Variants in BACH2 observed in about 807,000 individuals in gnomAD.
The protein encoded by BACH2 is BACH transcriptional regulator 2.
BACH2 carries 5 observed loss-of-function variants against 61.8 expected under a neutral mutation model. The ratio of observed to expected loss-of-function variants is 0.08; its 90% CI spans 0.04 to 0.17. BACH2 has a LOEUF of 0.17. Among genes scored for constraint, BACH2 ranks in the 10% least tolerant of loss-of-function variants. The probability of loss-of-function intolerance (pLI) is 1.00; values close to 1 mark genes in which losing one functional copy is unlikely to be tolerated. For synonymous variants in BACH2, 446 were observed against 440.1 expected (o/e 1.01, Z -0.17); for missense variants, 824 against 1,091.1 (o/e 0.76, Z 3.45).
rs145872369 is a variant in BACH2 at position 90,135,298 on chromosome 6, C to A, written c.-161-46189G>T. ...TTGTTACCTACACCTTGCCATCTAT[C>A]GCTCACATTTTGAGAATCTGCACCA... On this transcript the variant is annotated intron_variant, in intron 4 of 8. Coordinates refer to ENST00000257749, the MANE Select transcript of BACH2 (RefSeq NM_021813.4). 7.2e-5 allele frequency among the ~76,000 whole-genome samples: 11 copies of A among 152,294 alleles called. 1 individual carries two copies. The East Asian group carries it at 1.9e-3, about 27-fold the overall frequency.
intron 6 of BACH2, among the ~76,000 whole-genome samples, chr6:89,961,596 C>T (rs1325526393): frequency 6.6e-6 from 1 of 152,174 alleles, no homozygotes; most frequent in African/African-American, 2.4e-5. Flanking sequence ...TGATCTTCAA[C>T]CAGAAAATAC....
intron 1 of BACH2, among the ~76,000 whole-genome samples, chr6:90,294,313 AAAGTT>A (rs1772269486): frequency 6.6e-6 from 1 of 151,660 alleles, no homozygotes; most frequent in Non-Finnish European, 1.5e-5. Flanking sequence ...CTGCACCAAT[AAAGTT>A]ATGTTCTAAC....
At chr6:90,060,863 C>A (rs918362876) in intron 5 of BACH2, among the ~76,000 whole-genome samples, 1 of 152,172 alleles carries the variant, frequency 6.6e-6, no homozygotes, top group Non-Finnish European at 1.5e-5. Flanking sequence ...CCCATTTGCA[C>A]CCCCACATGA....
chr6:90,184,688 T>A (rs1359228959), intron 4 of BACH2, among the ~76,000 whole-genome samples: 3 of 152,182 alleles, frequency 2.0e-5, no homozygotes, highest in Admixed American at 6.5e-5. Flanking sequence ...ACACCCATCC[T>A]CTAGGAGGCC....
intron 2 of BACH2, among the ~76,000 whole-genome samples, chr6:90,266,454 G>C (rs1166361274): frequency 6.6e-6 from 1 of 152,058 alleles, no homozygotes; most frequent in African/African-American, 2.4e-5. Context: ...TTGGCATCTA[G>C]GTGCACATGG....
chr6:90,040,950 A>C (rs1323414932), intron 5 of BACH2, among the ~76,000 whole-genome samples: 1 of 152,212 alleles, frequency 6.6e-6, no homozygotes, highest in Non-Finnish European at 1.5e-5. Flanking sequence ...TGTTACCACC[A>C]TCTTCCAGCT....
intron 6 of BACH2, among the ~76,000 whole-genome samples, chr6:89,994,526 C>T (rs1388784694): frequency 2.6e-5 from 4 of 152,140 alleles, no homozygotes; most frequent in Non-Finnish European, 5.9e-5. Flanking sequence ...TGAGTGAAAG[C>T]CCATTCAGCC....
chr6:90,124,989 A>AT (rs891555178), intron 4 of BACH2, among the ~76,000 whole-genome samples: 1 of 151,976 alleles, frequency 6.6e-6, no homozygotes, highest in Non-Finnish European at 1.5e-5. Flanking sequence ...TTTTCCTTGC[A>AT]TTTTTCCAAA....
intron 4 of BACH2, among the ~76,000 whole-genome samples, chr6:90,195,328 A>G (rs766153): frequency 0.34 from 51,960 of 152,086 alleles, 9,977 homozygotes; most frequent in Non-Finnish European, 0.43. Context: ...GAGAGCGAGC[A>G]GAGGGGAAGG....
At chr6:89,966,186 T>C (rs1485182893) in intron 6 of BACH2, among the ~76,000 whole-genome samples, 1 of 152,212 alleles carries the variant, frequency 6.6e-6, no homozygotes, top group Non-Finnish European at 1.5e-5. Context: ...CTCTTTCATC[T>C]AAGTCCTTTA....
At chr6:90,035,381 C>T (rs951381283) in intron 5 of BACH2, among the ~76,000 whole-genome samples, 3 of 152,242 alleles carry the variant, frequency 2.0e-5, no homozygotes, top group Non-Finnish European at 4.4e-5. Context: ...TGGGGATGAG[C>T]CCAAGTGAAC....
At chr6:90,024,925 C>T (rs541252211) in intron 5 of BACH2, among the ~76,000 whole-genome samples, 7 of 152,236 alleles carry the variant, frequency 4.6e-5, no homozygotes, top group Admixed American at 2.0e-4. Context: ...TGCAGGTCAG[C>T]GTCTCCCTCA....
intron 4 of BACH2, among the ~76,000 whole-genome samples, chr6:90,191,763 G>A (rs1039564792): frequency 2.6e-5 from 4 of 152,130 alleles, no homozygotes; most frequent in Non-Finnish European, 4.4e-5. Flanking sequence ...GCAGTATCTG[G>A]CAAACAGGGA....
At chr6:90,175,286 T>C (rs1258864350) in intron 4 of BACH2, among the ~76,000 whole-genome samples, 11 of 152,298 alleles carry the variant, frequency 7.2e-5, no homozygotes, top group African/African-American at 2.6e-4. Context: ...TTATTCCTTA[T>C]TCTAGGAAAG....
At chr6:90,086,759 C>T (rs575302130) in intron 5 of BACH2, among the ~76,000 whole-genome samples, 8 of 151,864 alleles carry the variant, frequency 5.3e-5, no homozygotes, top group Non-Finnish European at 1.0e-4. Context: ...TGGAGATCTG[C>T]GGAGTGGCAG....
intron 6 of BACH2, among the ~76,000 whole-genome samples, chr6:89,953,938 T>C (rs374189456): frequency 6.6e-6 from 1 of 152,354 alleles, no homozygotes; most frequent in South Asian, 2.1e-4. Flanking sequence ...TAAGCTGACA[T>C]GGTAATAGGT....
At chr6:90,083,945 C>T (rs1056294317) in intron 5 of BACH2, among the ~76,000 whole-genome samples, 3 of 152,142 alleles carry the variant, frequency 2.0e-5, no homozygotes, top group Admixed American at 6.5e-5. Context: ...CTTTATAAAA[C>T]ATCTAACCAT....
At chr6:90,194,977 G>C (rs1050228743) in intron 4 of BACH2, among the ~76,000 whole-genome samples, 1 of 152,138 alleles carries the variant, frequency 6.6e-6, no homozygotes, top group Non-Finnish European at 1.5e-5. Flanking sequence ...TTGATGAGAA[G>C]AAATCATAGT....
At chr6:90,056,809 T>A (rs1162414472) in intron 5 of BACH2, among the ~76,000 whole-genome samples, 1 of 152,124 alleles carries the variant, frequency 6.6e-6, no homozygotes, top group Non-Finnish European at 1.5e-5. Context: ...GAAATCAGGA[T>A]TAAGAAACTC....
Sources: allele counts gnomAD v4.1 joint callset (sites outside exome capture counted in the v4.1 genomes callset), GRCh38; gene constraint gnomAD v4.1.1; transcripts MANE v1.5; gene names NCBI Gene and HGNC (gene_info 2026-07-23, HGNC 2026-07-21).